The following SCEL variants were observed in gnomAD, a reference collection of about 807,000 sequenced individuals.
The protein encoded by SCEL is sciellin.
In SCEL, 113 loss-of-function variants were observed where a neutral mutation model predicts 117.6. The ratio of observed to expected loss-of-function variants is 0.96; its 90% CI spans 0.83 to 1.12. The LOEUF is 1.12. Among genes scored for constraint, SCEL ranks in the 50% most tolerant of loss-of-function variants. SCEL has a pLI of 0.00. For synonymous variants in SCEL, 270 were observed against 256.2 expected, an observed-to-expected ratio of 1.05 and a Z score of -0.51; for missense variants, 785 against 810.8, an observed-to-expected ratio of 0.97 and a Z score of 0.39.
chr13:77,597,168 T>C (rs1160274730), intron 12 of SCEL: 1 of 219,018 alleles, frequency 4.6e-6, no homozygotes, highest in Non-Finnish European at 8.9e-6. Context: ...CAGAAGTGTG[T>C]CTGATGTAAA....
chr13:77,585,998 T>C (rs1350638681), intron 9 of SCEL, among the ~76,000 whole-genome samples: 1 of 152,148 alleles, frequency 6.6e-6, no homozygotes, highest in Non-Finnish European at 1.5e-5. Context: ...CCACCTGCTG[T>C]TAATTTTAAC....
intron 3 of SCEL, among the ~76,000 whole-genome samples, chr13:77,559,117 CT>C (rs1264154953): frequency 4.6e-5 from 7 of 152,150 alleles, no homozygotes; most frequent in African/African-American, 1.7e-4. Context: ...TATCTGGGTC[CT>C]AGACCCACCT....
chr13:77,589,833 C>G (rs936511276), intron 10 of SCEL, among the ~76,000 whole-genome samples: 1 of 152,136 alleles, frequency 6.6e-6, no homozygotes, highest in African/African-American at 2.4e-5. Context: ...TGCTTCTCAG[C>G]TTTGAATCTC....
At chr13:77,571,718 T>TAC (rs1478810342) in intron 8 of SCEL, among the ~76,000 whole-genome samples, 2 of 150,168 alleles carry the variant, frequency 1.3e-5, no homozygotes, top group African/African-American at 4.9e-5. Context: ...AAAACATATA[T>TAC]ATATATATAT....
At chr13:77,559,670 G>C in intron 3 of SCEL, 134 bp from the exon 4 acceptor site, 1 of 663,382 alleles carries the variant, frequency 1.5e-6, no homozygotes. Flanking sequence ...ACATAATTTT[G>C]TGTTCTCACA....
chr13:77,604,452 G>A (rs2087968134), intron 19 of SCEL, 37 bp downstream of exon 19: 2 of 1,491,814 alleles, frequency 1.3e-6, no homozygotes, highest in East Asian at 2.4e-5. Context: ...CCTTTGTTTG[G>A]CATTTAGAAG....
chr13:77,579,683 G>T (rs1373937299), intron 9 of SCEL, among the ~76,000 whole-genome samples: 2 of 152,220 alleles, frequency 1.3e-5, no homozygotes, highest in Non-Finnish European at 2.9e-5. Flanking sequence ...AAACACAAAG[G>T]TCAAGGTAGA....
At chr13:77,543,610 T>C (rs1043354666) in intron 1 of SCEL, among the ~76,000 whole-genome samples, 4 of 152,208 alleles carry the variant, frequency 2.6e-5, no homozygotes, top group African/African-American at 4.8e-5. Context: ...TCTGTTGAGC[T>C]CCACCATGGA....
In SCEL at chr13:77,559,060, C is replaced by T. The variant is rs146190001; in HGVS notation, c.162-744C>T. The stretch of plus-strand genomic sequence containing the variant: ...ACTTTGAGATTTTACATATGAAGGT[C>T]GATTGTAGGGTTGACCAGTAGGAAA... On this transcript the variant is annotated intron_variant, in intron 3 of 32. Coordinates refer to ENST00000349847, the MANE Select transcript of SCEL (RefSeq NM_144777.3). 7.2e-5 allele frequency among the ~76,000 whole-genome samples: 11 copies of T among 152,056 alleles called. No individual in the cohort carries two copies. The East Asian group carries it at 1.9e-3, about 27-fold the overall frequency.
intron 22 of SCEL, among the ~76,000 whole-genome samples, chr13:77,611,583 T>C (rs1031070240): frequency 5.9e-5 from 9 of 152,252 alleles, no homozygotes; most frequent in African/African-American, 1.4e-4. Flanking sequence ...TGATTATTCA[T>C]GGCCTTTCCT....
intron 9 of SCEL, among the ~76,000 whole-genome samples, chr13:77,582,279 T>G (rs2086303279): frequency 6.6e-6 from 1 of 152,148 alleles, no homozygotes; most frequent in East Asian, 1.9e-4. Flanking sequence ...CAGGCTGGAG[T>G]GCAGTGGTGT....
intron 5 of SCEL, among the ~76,000 whole-genome samples, chr13:77,564,588 AAGTT>A (rs2085181877): frequency 6.6e-6 from 1 of 152,158 alleles, no homozygotes; most frequent in Non-Finnish European, 1.5e-5. Context: ...GTAAAGGACA[AAGTT>A]AGCATCTTTA....
At chr13:77,638,171 T>TA (rs905899168) in intron 30 of SCEL, among the ~76,000 whole-genome samples, 1 of 152,114 alleles carries the variant, frequency 6.6e-6, no homozygotes, top group African/African-American at 2.4e-5. Context: ...AAATTTTTTT[T>TA]AAAAAAACAT....
At chr13:77,604,765 G>GT (rs1049034079) in intron 19 of SCEL, among the ~76,000 whole-genome samples, 1 of 152,152 alleles carries the variant, frequency 6.6e-6, no homozygotes, top group African/African-American at 2.4e-5. Flanking sequence ...ATAAGTGCAT[G>GT]TATGTATGTG....
At chr13:77,546,513 G>A (rs779366187) in intron 1 of SCEL, among the ~76,000 whole-genome samples, 3 of 152,064 alleles carry the variant, frequency 2.0e-5, no homozygotes, top group Non-Finnish European at 2.9e-5. Flanking sequence ...GTACTTGGTA[G>A]GGGCTTAACA....
chr13:77,617,886 A>G (rs1455057754), intron 26 of SCEL, 24 bp downstream of exon 26: 2 of 1,594,834 alleles, frequency 1.3e-6, no homozygotes, highest in African/African-American at 1.3e-5. Flanking sequence ...CAGTCAATTC[A>G]TGTTTTTATT....
chr13:77,599,719 G>A lies in SCEL; in HGVS notation c.888G>A (p.Met296Ile), dbSNP rs780487111. 8.3e-5 allele frequency: 134 copies of A among 1,612,054 alleles called. No individual in the cohort carries two copies. The South Asian group carries it at 1.5e-3, about 18-fold the overall frequency. ...AAAGCCTTGAAAGTCTCATCTATAT[G>A]AGTACCCGGACAGATAAAGATGGCA... ...RAKSLESLIY[M>I]STRTDKDGKG... is the part of the protein sequence containing the mutation. Residue 296 changes from methionine to isoleucine, a missense_variant, in exon 15 of 33, where the codon ATG becomes ATA. Transcript: ENST00000349847.
At chr13:77,569,313 T>C in intron 7 of SCEL, 58 bp from the exon 8 acceptor site, 1 of 1,322,406 alleles carries the variant, frequency 7.6e-7, no homozygotes, top group Admixed American at 1.7e-5. Context: ...TTTTCAAAGG[T>C]AGGCTGAAAT....
rs1264664110 is a variant in SCEL, at chr13:77,571,353, C to T, written c.480-771C>T. ...CCGAGATCGCGCCACTGCACTCCAG[C>T]CTGGGAGACAGCGAGACTACATCTC... is the stretch of plus-strand genomic sequence containing the variant. On this transcript the variant is annotated intron_variant, in intron 8 of 32. Transcript: ENST00000349847. 1.4e-4 allele frequency among the ~76,000 whole-genome samples: 20 copies of T among 140,100 alleles called. No individual in the cohort carries two copies. The Admixed American group carries it at 1.5e-3, about 11-fold the overall frequency. The allele number at this position is 140,100 out of a possible 152,430, so 91.9% of individuals were successfully genotyped here.
Sources: allele counts gnomAD v4.1 joint callset (sites outside exome capture counted in the v4.1 genomes callset), GRCh38; gene constraint gnomAD v4.1.1; transcripts MANE v1.5; gene names NCBI Gene and HGNC (gene_info 2026-07-23, HGNC 2026-07-21).